AFAP1L2: variants seen among roughly 807,000 people sequenced by gnomAD.
AFAP1L2 encodes actin filament-associated protein 1-like 2.
Under a neutral mutation model 99.3 loss-of-function variants are expected in AFAP1L2, and 46 were observed. The observed-to-expected ratio is 0.46, with a 90% CI of 0.37 to 0.59. The LOEUF is 0.59. Among genes scored for constraint, AFAP1L2 ranks in the 20% least tolerant of loss-of-function variants. The pLI is 0.00. For missense variants in AFAP1L2, 959 were observed against 1,034.9 expected, an observed-to-expected ratio of 0.93 and a Z score of 1.01; for synonymous variants, 397 against 419.1, an observed-to-expected ratio of 0.95 and a Z score of 0.64.
downstream of AFAP1L2, among the ~76,000 whole-genome samples, chr10:114,293,012 T>A (rs940493646): frequency 2.6e-5 from 4 of 152,278 alleles, no homozygotes; most frequent in African/African-American, 9.6e-5. Context: ...TGGCCCATTT[T>A]TCTTTATAAA....
intron 10 of AFAP1L2, among the ~76,000 whole-genome samples, chr10:114,307,527 C>G (rs1414333041): frequency 6.6e-6 from 1 of 151,790 alleles, no homozygotes; most frequent in Non-Finnish European, 1.5e-5. Context: ...AAATATAGAT[C>G]AAATGAACAT....
intron 1 of AFAP1L2, among the ~76,000 whole-genome samples, chr10:114,371,073 G>C (rs2054025772): frequency 6.6e-6 from 1 of 152,188 alleles, no homozygotes; most frequent in South Asian, 2.1e-4. Context: ...TGACAGGCTG[G>C]TGTCCACTGG....
chr10:114,331,034 C>T (rs2047156450), intron 4 of AFAP1L2, among the ~76,000 whole-genome samples: 1 of 152,096 alleles, frequency 6.6e-6, no homozygotes, highest in Non-Finnish European at 1.5e-5. Flanking sequence ...CTAAAGCAGG[C>T]CTGACCACAG....
At chr10:114,293,990 A>G (rs2039836800), downstream of AFAP1L2, among the ~76,000 whole-genome samples, 1 of 152,202 alleles carries the variant, frequency 6.6e-6, no homozygotes. Context: ...AGATGAACTA[A>G]GAGTGTTTAT....
In AFAP1L2 at chr10:114,336,510, G is replaced by A. The variant is rs143003506; in HGVS notation, c.146-3215C>T. Among the ~76,000 whole-genome samples the A allele has an allele frequency of 2.6e-3, 401 of 152,290 alleles. 2 individuals are homozygous for A. The highest frequency in any genetic ancestry group is 7.7e-3 in the African/African-American group (322 of 41,560). On this transcript the variant is annotated intron_variant, in intron 2 of 18. Coordinates refer to ENST00000304129, the MANE Select transcript of AFAP1L2 (RefSeq NM_001001936.3). ...TACACAGTGGGTGGGAAATGACTAC[G>A]GCCTGAAGGTGTTGGGAAGATGAGC... is the stretch of plus-strand genomic sequence containing the variant.
chr10:114,327,147 T>TTATATATATATATATA (rs369500918), intron 4 of AFAP1L2, among the ~76,000 whole-genome samples: 2 of 54,538 alleles, frequency 3.7e-5, no homozygotes, highest in Non-Finnish European at 4.9e-5. Context: ...TTATATATAT[T>TTATATATATATATATA]TATATATATA....
the AFAP1L2 span, chr10:114,284,770 G>A: frequency 1.7e-5 from 21 of 1,253,792 alleles, no homozygotes; most frequent in African/African-American, 2.9e-4. Context: ...GCCACTGCTA[G>A]AGCAGGAAGC....
chr10:114,338,495 A>T (rs970352713), intron 2 of AFAP1L2, among the ~76,000 whole-genome samples: 1 of 152,268 alleles, frequency 6.6e-6, no homozygotes, highest in African/African-American at 2.4e-5. Flanking sequence ...GAATGTTCCT[A>T]GCCGCCTCCT....
intron 1 of AFAP1L2, among the ~76,000 whole-genome samples, chr10:114,368,634 T>C (rs766031025): frequency 3.9e-5 from 6 of 152,016 alleles, no homozygotes; most frequent in African/African-American, 7.2e-5. Context: ...AGCTTGGTCT[T>C]AAACTTCTGA....
chr10:114,339,831 T>C (rs1401690449), intron 2 of AFAP1L2, among the ~76,000 whole-genome samples: 3 of 149,550 alleles, frequency 2.0e-5, no homozygotes, highest in Non-Finnish European at 4.4e-5. Flanking sequence ...CTGGCCAACA[T>C]AGTGAAACCC....
intron 9 of AFAP1L2, among the ~76,000 whole-genome samples, 158 bp downstream of exon 9, chr10:114,308,275 C>T (rs190129529): frequency 5.3e-5 from 8 of 152,284 alleles, no homozygotes; most frequent in Admixed American, 2.6e-4. Context: ...TCAATTTGGC[C>T]GAGTCTCCCT....
At chr10:114,404,348 C>T (rs2058522697) in intron 1 of AFAP1L2, 92 bp downstream of exon 1, 2 of 1,390,834 alleles carry the variant, frequency 1.4e-6, no homozygotes, top group South Asian at 1.2e-5. Flanking sequence ...CTGCTTATCC[C>T]GAGTCCTGGC....
chr10:114,397,768 T>C (rs2057864135), intron 1 of AFAP1L2, among the ~76,000 whole-genome samples: 1 of 152,210 alleles, frequency 6.6e-6, no homozygotes, highest in Non-Finnish European at 1.5e-5. Flanking sequence ...AACAGCTGGC[T>C]AGCCTCTCTT....
intron 1 of AFAP1L2, among the ~76,000 whole-genome samples, chr10:114,384,269 C>T (rs2056177631): frequency 6.6e-6 from 1 of 152,148 alleles, no homozygotes; most frequent in Non-Finnish European, 1.5e-5. Flanking sequence ...TTCAGCTGCA[C>T]CCTCCCCACG....
At chr10:114,326,156 G>T in intron 4 of AFAP1L2, 1 of 780,324 alleles carries the variant, frequency 1.3e-6, no homozygotes, top group Non-Finnish European at 1.7e-6. Context: ...GGTGGAGCCA[G>T]GCAGTGTTTT....
At chr10:114,343,678 C>T (rs1049662817) in intron 1 of AFAP1L2, among the ~76,000 whole-genome samples, 18 of 152,192 alleles carry the variant, frequency 1.2e-4, no homozygotes, top group Non-Finnish European at 7.4e-5. Flanking sequence ...AGAGAAGCAT[C>T]GGCGGGATCA....
At chr10:114,357,952 C>T (rs2051641437) in intron 1 of AFAP1L2, among the ~76,000 whole-genome samples, 2 of 152,202 alleles carry the variant, frequency 1.3e-5, no homozygotes, top group Non-Finnish European at 2.9e-5. Flanking sequence ...AAAATTGTGT[C>T]TGTCTCAAAT....
intron 10 of AFAP1L2, chr10:114,305,254 G>A: frequency 3.1e-6 from 1 of 325,976 alleles, no homozygotes; most frequent in South Asian, 2.6e-5. Context: ...TGCGGGAGGA[G>A]ACGTGGATGT....
Position 114,403,263 on chromosome 10 carries a change from G to A in AFAP1L2, c.16+1177C>T, listed in dbSNP as rs78872292. Among the ~76,000 whole-genome samples the A allele has an allele frequency of 4.4e-3, 676 of 152,274 alleles. 10 individuals carry two copies. Among genetic ancestry groups the A allele is most frequent in the African/African-American group, 0.016 (655 of 41,546 alleles). On this transcript the variant is annotated intron_variant, in intron 1 of 18. Coordinates refer to ENST00000304129, the MANE Select transcript of AFAP1L2 (RefSeq NM_001001936.3). Reference sequence around the variant, plus strand: ...TCCTGAATATATGAAGCTCTGTCTGGGACTTGGATCTTTTGCCTTCACCAG... The same window carrying A: ...TCCTGAATATATGAAGCTCTGTCTGAGACTTGGATCTTTTGCCTTCACCAG...
Sources: gnomAD v4.1 joint callset for allele counts (sites outside exome capture counted in the v4.1 genomes callset) on GRCh38, gnomAD v4.1.1 for gene constraint, MANE v1.5 for transcripts, NCBI Gene and HGNC (gene_info 2026-07-23, HGNC 2026-07-21) for gene names.